RNF166: variants seen among roughly 807,000 people sequenced by gnomAD.
The protein encoded by RNF166 is E3 ubiquitin-protein ligase RNF166.
RNF166 carries 19 observed loss-of-function variants against 29.4 expected under a neutral mutation model. The ratio of observed to expected loss-of-function variants is 0.65; its 90% CI spans 0.45 to 0.95. The LOEUF (loss-of-function observed/expected upper bound fraction) is 0.95. RNF166 is among the 40% of genes least tolerant of loss of function. The pLI is 0.00. For synonymous variants in RNF166, 171 were observed against 134.5 expected (o/e 1.27, Z -1.88); for missense variants, 347 against 322.1 (o/e 1.08, Z -0.59).
At position 88,703,799 on chromosome 16, in the gene RNF166, C is replaced by CAGA. The variant is rs1910506362; in HGVS notation, c.155+2371_155+2372insTCT. 1.0e-5 allele frequency: 10 copies of CAGA among 985,458 alleles called. No homozygotes were observed. In the African/African-American group the frequency reaches 1.4e-4, roughly 14 times the overall value. 61.0% of individuals were successfully genotyped at this position (985,458 alleles called of 1,614,324 possible). The stretch of plus-strand genomic sequence containing the variant: ...GGCACCCGGGACTGCCAATGTGTCT[C>CAGA]CCACACTGGCCGCTGCACAAGCTGA... On this transcript the variant is annotated intron_variant, in intron 1 of 5. Transcript: ENST00000312838.
chr16:88,697,679 A>G, intron 5 of RNF166, 46 bp from the exon 6 acceptor site: 1 of 1,410,150 alleles, frequency 7.1e-7, no homozygotes, highest in Non-Finnish European at 9.8e-7. Context: ...GGAGACAGGA[A>G]GGAGAGGTCC....
At chr16:88,703,178 CGGGT>C in intron 1 of RNF166, 1 of 982,594 alleles carries the variant, frequency 1.0e-6, no homozygotes, top group Non-Finnish European at 1.2e-6. Flanking sequence ...AGAAAGCAGA[CGGGT>C]GGGTGCCAGG....
At chr16:88,705,514 C>G (rs1910697101) in intron 1 of RNF166, among the ~76,000 whole-genome samples, 1 of 152,374 alleles carries the variant, frequency 6.6e-6, no homozygotes, top group African/African-American at 2.4e-5. Flanking sequence ...CCTCCAGTTT[C>G]TGTTCCTGAA....
chr16:88,706,241 C>A lies in RNF166; in HGVS notation c.85G>T (p.Ala29Ser). 7.6e-7 allele frequency: 1 copy of A among 1,312,274 alleles called. No individual in the cohort carries two copies. The highest frequency in any genetic ancestry group is 9.7e-7 in the Non-Finnish European group (1 of 1,027,880). 81.3% of individuals were successfully genotyped at this position (1,312,274 alleles called of 1,614,324 possible). A position where few individuals can be genotyped will look rare whatever the true frequency, so the allele number is the denominator to read the frequency against. The part of the protein sequence containing the change: ...GPAGGDSGLE[A>S]QYTCPICLEV... The stretch of plus-strand genomic sequence containing the variant: ...AGGCAGATGGGGCAGGTGTACTGCG[C>A]CTCCAGGCCGCTGTCGCCGCCCGCC... The change falls in exon 1 of 6, where the codon GCG becomes TCG. Residue 29 changes from alanine to serine, a missense_variant. By Grantham distance (99) the Ala-to-Ser change is moderately conservative. Transcript: ENST00000312838.
intron 2 of RNF166, among the ~76,000 whole-genome samples, chr16:88,700,380 G>C (rs1428632681): frequency 6.7e-6 from 1 of 149,272 alleles, no homozygotes; most frequent in Non-Finnish European, 1.5e-5. Flanking sequence ...GACCGGTTCT[G>C]ATCCTTTCTG....
rs191004318 is a variant in RNF166, at chr16:88,696,859, C to T, written c.*709G>A. 3.3e-4 allele frequency: 101 copies of T among 306,428 alleles called. 1 individual carries two copies. Among genetic ancestry groups the T allele is most frequent in the African/African-American group, 2.2e-3 (98 of 44,572 alleles). The allele number at this position is 306,428 out of a possible 1,614,324, so 19.0% of individuals were successfully genotyped here. A position where few individuals can be genotyped will look rare whatever the true frequency, so the allele number is the denominator to read the frequency against. On this transcript the variant is annotated 3_prime_UTR_variant, in exon 6 of 6. Transcript: ENST00000312838. Reference sequence around the variant, plus strand: ...ACACACAGTGGGTGGCCAGGGCAGACCCCACAGCAGACCCCATGGCTCGCC... The same window carrying T: ...ACACACAGTGGGTGGCCAGGGCAGATCCCACAGCAGACCCCATGGCTCGCC...
chr16:88,696,771 G>C lies in RNF166; in HGVS notation c.*797C>G, dbSNP rs1481264548. The C allele has an allele frequency of 1.1e-5, 4 of 376,500 alleles. No individual in the cohort carries two copies. The highest frequency in any genetic ancestry group is 1.5e-5 in the Non-Finnish European group (3 of 193,600). 23.3% of individuals were successfully genotyped at this position (376,500 alleles called of 1,614,324 possible). A position where few individuals can be genotyped will look rare whatever the true frequency, so the allele number is the denominator to read the frequency against. ...TCTGCTGGGAGCAGCCACAGCCTGT[G>C]GCTGGGGTGCTGGGATTTCTTCCTG... On this transcript the variant is annotated 3_prime_UTR_variant, in exon 6 of 6. Coordinates refer to ENST00000312838, the MANE Select transcript of RNF166 (RefSeq NM_178841.4).
At chr16:88,700,533 G>A (rs1195127945) in intron 2 of RNF166, 12 of 915,442 alleles carry the variant, frequency 1.3e-5, no homozygotes, top group African/African-American at 1.8e-5. Context: ...ACAAACCACC[G>A]AGGGGCCACG....
intron 1 of RNF166, chr16:88,703,775 G>A (rs1910503236): frequency 3.0e-6 from 3 of 985,346 alleles, no homozygotes; most frequent in Admixed American, 6.1e-5. Context: ...CTCCCAGCAG[G>A]CACCCGGGAC....
At chr16:88,702,763 CT>C in intron 1 of RNF166, 1 of 985,466 alleles carries the variant, frequency 1.0e-6, no homozygotes, top group Non-Finnish European at 1.2e-6. Flanking sequence ...AGGTCGCTCA[CT>C]TTACCCACCT....
intron 1 of RNF166, 127 bp downstream of exon 1, chr16:88,706,044 G>A (rs1362994621): frequency 1.8e-5 from 9 of 501,172 alleles, no homozygotes; most frequent in Admixed American, 6.3e-5. Context: ...CACGCGCCCC[G>A]AGGCCCCGGC....
chr16:88,703,148 C>T (rs1347339162), intron 1 of RNF166: 2 of 985,342 alleles, frequency 2.0e-6, no homozygotes, highest in Admixed American at 6.1e-5. Context: ...CAACGTCCAG[C>T]AGAGAGAAAC....
In RNF166 at chr16:88,697,276, C is replaced by A; in HGVS notation, c.*292G>T. On this transcript the variant is annotated 3_prime_UTR_variant, in exon 6 of 6. Transcript: ENST00000312838. ...AGGGGGTATCATGGCTTTGAAGAGA[C>A]GGCGGCAGCTCCAGGTCCCAGCGTC... The A allele has an allele frequency of 3.4e-6, 1 of 292,092 alleles. No homozygotes were observed. The highest frequency in any genetic ancestry group is 6.4e-6 in the Non-Finnish European group (1 of 155,096). The allele number at this position is 292,092 out of a possible 1,614,324, so 18.1% of individuals were successfully genotyped here.
chr16:88,700,830 C>T, intron 2 of RNF166: 1 of 1,055,222 alleles, frequency 9.5e-7, no homozygotes, highest in African/African-American at 1.7e-5. Context: ...CGGCTCTGGC[C>T]CTCCTGGCAG....
chr16:88,703,027 C>T (rs576681291), intron 1 of RNF166: 182 of 985,328 alleles, frequency 1.8e-4, no homozygotes, highest in Non-Finnish European at 2.1e-4. Context: ...ATGGAAAGGG[C>T]GTTCGGCCGG....
intron 1 of RNF166, among the ~76,000 whole-genome samples, chr16:88,705,863 G>A (rs1482491449): frequency 1.3e-5 from 2 of 152,174 alleles, no homozygotes; most frequent in Non-Finnish European, 2.9e-5. Context: ...TCTGAGTACC[G>A]GAGCGCCCGC....
chr16:88,699,120 AGG>A, intron 3 of RNF166, 35 bp from the exon 4 acceptor site: 1 of 1,384,638 alleles, frequency 7.2e-7, no homozygotes, highest in Non-Finnish European at 1.0e-6. Flanking sequence ...TGGCACGGCT[AGG>A]TGTCTAGGGG....
In RNF166 at chr16:88,702,159, C is replaced by CTGCTATCTACAACCGCCTCCG. The variant is rs1166935094; in HGVS notation, c.156-742_156-741insCGGAGGCGGTTGTAGATAGCA. Among the ~76,000 whole-genome samples the CTGCTATCTACAACCGCCTCCG allele has an allele frequency of 1.1e-3, 6 of 5,620 alleles. No individual in the cohort carries two copies. The East Asian group carries it at 0.038, about 36-fold the overall frequency. The allele number at this position is 5,620 out of a possible 152,430, so 3.7% of individuals were successfully genotyped here. On this transcript the variant is annotated intron_variant, in intron 1 of 5. Transcript: ENST00000312838. ...GCTTCCTTGGGCTCGCACACCCTCC[C>CTGCTATCTACAACCGCCTCCG]GCTCTGCAGACGCACACAGCCCTTG...
Position 88,704,432 on chromosome 16 carries a change from G to T in RNF166, c.155+1739C>A, listed in dbSNP as rs1485023156. On this transcript the variant is annotated intron_variant, in intron 1 of 5. Transcript: ENST00000312838. The stretch of plus-strand genomic sequence containing the variant: ...TGGCAGAGGGGAGTTTTATAGGAAA[G>T]ATGCTCCACAATTCCATGTGGTTCT... The T allele has an allele frequency of 3.0e-6, 3 of 985,296 alleles. No homozygotes were observed. The African/African-American group carries it at 5.2e-5, about 17-fold the overall frequency. 61.0% of individuals were successfully genotyped at this position (985,296 alleles called of 1,614,324 possible).
Sources: gnomAD v4.1 joint callset for allele counts (sites outside exome capture counted in the v4.1 genomes callset) on GRCh38, gnomAD v4.1.1 for gene constraint, MANE v1.5 for transcripts, NCBI Gene and HGNC (gene_info 2026-07-23, HGNC 2026-07-21) for gene names.